The following TMEM232 variants were observed in gnomAD, a reference collection of about 807,000 sequenced individuals.
TMEM232 encodes transmembrane protein 232.
TMEM232 carries 80 observed loss-of-function variants against 78.8 expected under a neutral mutation model. That is an observed-to-expected ratio of 1.01 (90% CI 0.85 to 1.22). TMEM232 has a LOEUF of 1.22. Among genes scored for constraint, TMEM232 ranks in the 50% most tolerant of loss-of-function variants. The probability of loss-of-function intolerance (pLI) is 0.00; values close to 1 mark genes in which losing one functional copy is unlikely to be tolerated. For synonymous variants in TMEM232, 297 were observed against 254.3 expected, an observed-to-expected ratio of 1.17 and a Z score of -1.60; for missense variants, 881 against 742.2, an observed-to-expected ratio of 1.19 and a Z score of -2.17.
intron 10 of TMEM232, among the ~76,000 whole-genome samples, chr5:110,602,134 C>T (rs954874318): frequency 6.6e-6 from 1 of 152,140 alleles, no homozygotes; most frequent in Non-Finnish European, 1.5e-5. Flanking sequence ...AAACCTTATA[C>T]AAAAATTAAC....
At chr5:110,725,968 T>C (rs1798106171) in intron 1 of TMEM232, 2 of 152,114 alleles carry the variant, frequency 1.3e-5, no homozygotes, top group Admixed American at 6.6e-5. Flanking sequence ...GTTAAGATGG[T>C]AAGGTAAATA....
chr5:110,518,106 A>G (rs182144580), intron 12 of TMEM232, among the ~76,000 whole-genome samples: 1 of 147,584 alleles, frequency 6.8e-6, no homozygotes. Flanking sequence ...ATTTTTTCAC[A>G]TATTTCCTCT....
At chr5:110,527,041 T>C (rs1770707567) in intron 12 of TMEM232, among the ~76,000 whole-genome samples, 1 of 151,848 alleles carries the variant, frequency 6.6e-6, no homozygotes, top group Non-Finnish European at 1.5e-5. Flanking sequence ...TTGCATTTTA[T>C]AGACCCTGAA....
rs537030252 is a variant in TMEM232 at position 110,582,060 on chromosome 5, G to A, written c.1277-13435C>T. 1.4e-4 allele frequency among the ~76,000 whole-genome samples: 21 copies of A among 152,064 alleles called. No homozygotes were observed. In the South Asian group the frequency reaches 4.4e-3, roughly 32 times the overall value. ...AGGGAATGCTTATACACTGTTGGTG[G>A]GAATGTAAATTAGTTCAGCCACAGT... On this transcript the variant is annotated intron_variant, in intron 10 of 13. Transcript: ENST00000455884.
intron 2 of TMEM232, among the ~76,000 whole-genome samples, chr5:110,399,508 A>G (rs999308860): frequency 6.6e-6 from 1 of 152,020 alleles, no homozygotes; most frequent in African/African-American, 2.4e-5. Context: ...TTCTTTTTTT[A>G]AAAGGCCTTC....
intron 8 of TMEM232, among the ~76,000 whole-genome samples, chr5:110,616,893 G>C (rs1169647499): frequency 1.3e-5 from 2 of 152,078 alleles, no homozygotes; most frequent in Non-Finnish European, 2.9e-5. Context: ...ATTGAAAATA[G>C]AACTACCATA....
chr5:110,679,224 A>C (rs1489897573), intron 1 of TMEM232, among the ~76,000 whole-genome samples: 1 of 152,116 alleles, frequency 6.6e-6, no homozygotes, highest in Non-Finnish European at 1.5e-5. Context: ...GGCCATTCTA[A>C]TAGTGTGTGT....
At chr5:110,494,923 CAT>C (rs1765483230) in intron 12 of TMEM232, among the ~76,000 whole-genome samples, 1 of 151,612 alleles carries the variant, frequency 6.6e-6, no homozygotes, top group Admixed American at 6.6e-5. Flanking sequence ...CTCATGGAAA[CAT>C]ATACTTATTA....
At chr5:110,467,340 T>A (rs1762194445) in intron 12 of TMEM232, among the ~76,000 whole-genome samples, 2 of 152,202 alleles carry the variant, frequency 1.3e-5, no homozygotes, top group South Asian at 4.1e-4. Flanking sequence ...AGGAGCCTCC[T>A]GGTAGAGAAC....
intron 7 of TMEM232, among the ~76,000 whole-genome samples, chr5:110,620,632 TCTCTC>T (rs1783568283): frequency 1.2e-5 from 1 of 85,996 alleles, no homozygotes; most frequent in African/African-American, 4.3e-5. Context: ...TCTCTCTCTC[TCTCTC>T]TCCTCTCTCC....
chr5:110,449,712 T>C (rs992721095), intron 12 of TMEM232, among the ~76,000 whole-genome samples: 1 of 152,152 alleles, frequency 6.6e-6, no homozygotes, highest in Admixed American at 6.6e-5. Context: ...TTAATAACTA[T>C]GGAGCACCTA....
In TMEM232 at chr5:110,638,451, G is replaced by C. The variant is rs868565307; in HGVS notation, c.344-96C>G. 62 of 1,202,692 alleles carry C rather than the reference G, an allele frequency of 5.2e-5. No homozygotes were observed. The African/African-American group carries it at 9.2e-4, about 18-fold the overall frequency. The allele number at this position is 1,202,692 out of a possible 1,614,324, so 74.5% of individuals were successfully genotyped here. A position where few individuals can be genotyped will look rare whatever the true frequency, so the allele number is the denominator to read the frequency against. On this transcript the variant is annotated intron_variant, in intron 4 of 13. Transcript: ENST00000455884. ...TTTTGTAATTATTTCCTGTCATTAA[G>C]ACCAAATTGCAGTTTTAAAATATAT...
intron 1 of TMEM232, among the ~76,000 whole-genome samples, chr5:110,722,532 T>C (rs1363347418): frequency 6.6e-6 from 1 of 152,184 alleles, no homozygotes; most frequent in Non-Finnish European, 1.5e-5. Context: ...TTCCTCTTCA[T>C]GTGGACGTCT....
At chr5:110,496,899 T>A (rs1359064525) in intron 12 of TMEM232, among the ~76,000 whole-genome samples, 5 of 152,036 alleles carry the variant, frequency 3.3e-5, no homozygotes, top group African/African-American at 1.2e-4. Context: ...AATAAATCCA[T>A]ATTTTGGTAT....
intron 12 of TMEM232, among the ~76,000 whole-genome samples, chr5:110,479,009 T>A (rs1482071165): frequency 1.3e-5 from 2 of 150,578 alleles, no homozygotes; most frequent in Non-Finnish European, 3.0e-5. Flanking sequence ...GAGTCTGCGG[T>A]TAGGTCTACA....
rs534279736 is a variant in TMEM232 at position 110,596,929 on chromosome 5, G to C, written c.1276+8180C>G. The stretch of plus-strand genomic sequence containing the variant: ...TATCATACTGAATGGGCAAAAACTG[G>C]AAGCATTCCCTTTGAAAACTGGCAC... On this transcript the variant is annotated intron_variant, in intron 10 of 13. Transcript: ENST00000455884. Among the ~76,000 whole-genome samples the C allele has an allele frequency of 2.9e-3, 437 of 152,242 alleles. 1 individual carries two copies. Among genetic ancestry groups the C allele is most frequent in the African/African-American group, 0.01 (421 of 41,532 alleles).
chr5:110,557,919 G>C (rs562441788), intron 11 of TMEM232, among the ~76,000 whole-genome samples: 259 of 152,238 alleles, frequency 1.7e-3, no homozygotes, highest in African/African-American at 5.8e-3. Context: ...TATTTGTGTG[G>C]TGTGATGTTT....
chr5:110,395,800 T>G (rs1026419132), intron 3 of TMEM232, among the ~76,000 whole-genome samples: 3 of 152,178 alleles, frequency 2.0e-5, no homozygotes, highest in Non-Finnish European at 2.9e-5. Context: ...ACATGGGAGT[T>G]GTCTGTGCAA....
intron 12 of TMEM232, among the ~76,000 whole-genome samples, chr5:110,432,563 G>A (rs776473814): frequency 1.3e-5 from 2 of 151,548 alleles, no homozygotes; most frequent in Non-Finnish European, 3.0e-5. Context: ...TACAAAGCAA[G>A]TACATAATCG....
Sources: gnomAD v4.1 joint callset for allele counts (sites outside exome capture counted in the v4.1 genomes callset) on GRCh38, gnomAD v4.1.1 for gene constraint, MANE v1.5 for transcripts, NCBI Gene and HGNC (gene_info 2026-07-23, HGNC 2026-07-21) for gene names.